CCSER1: variants seen among roughly 807,000 people sequenced by gnomAD.
The protein encoded by CCSER1 is serine-rich coiled-coil domain-containing protein 1.
CCSER1 carries 41 observed loss-of-function variants against 82.0 expected under a neutral mutation model. That is an observed-to-expected ratio of 0.50 (90% confidence interval 0.39 to 0.65). CCSER1 has a LOEUF of 0.65. CCSER1 is among the 30% of genes least tolerant of loss of function. The pLI is 0.00. For synonymous variants in CCSER1, 414 were observed against 383.9 expected (o/e 1.08, Z -0.92); for missense variants, 1,119 against 1,064.2 (o/e 1.05, Z -0.72).
intron 6 of CCSER1, among the ~76,000 whole-genome samples, chr4:90,632,632 C>T (rs961743136): frequency 2.0e-5 from 3 of 152,012 alleles, no homozygotes; most frequent in Admixed American, 6.5e-5. Flanking sequence ...TTCAGTAAAC[C>T]TGTCTTTGGC....
chr4:90,560,717 C>G (rs1421627548), intron 5 of CCSER1, among the ~76,000 whole-genome samples: 8 of 152,080 alleles, frequency 5.3e-5, no homozygotes, highest in Admixed American at 5.2e-4. Flanking sequence ...TTGTTTAACA[C>G]CTTTACTTTG....
intron 9 of CCSER1, among the ~76,000 whole-genome samples, chr4:90,957,233 C>T (rs1243802845): frequency 3.0e-5 from 3 of 100,742 alleles, no homozygotes; most frequent in Non-Finnish European, 6.4e-5. Context: ...TCCCGACTAC[C>T]TGGGATTACA....
At chr4:91,386,911 T>A (rs1031205802) in intron 10 of CCSER1, among the ~76,000 whole-genome samples, 1 of 151,800 alleles carries the variant, frequency 6.6e-6, no homozygotes, top group Admixed American at 6.6e-5. Context: ...GTAAATATCA[T>A]GATAGAAAAA....
intron 1 of CCSER1, among the ~76,000 whole-genome samples, chr4:90,247,394 C>G (rs368470578): frequency 2.6e-5 from 4 of 151,932 alleles, no homozygotes; most frequent in Non-Finnish European, 4.4e-5. Context: ...ACAACAATAT[C>G]GGAATAATAT....
chr4:90,606,379 A>G (rs987623935), intron 5 of CCSER1, among the ~76,000 whole-genome samples: 4 of 152,216 alleles, frequency 2.6e-5, no homozygotes, highest in Non-Finnish European at 5.9e-5. Flanking sequence ...ATATTTGTGT[A>G]CCTAAACATC....
At position 91,045,086 on chromosome 4, in the gene CCSER1, A is replaced by C. The variant is rs1742329312; in HGVS notation, c.2173-40864A>C. On this transcript the variant is annotated intron_variant, in intron 9 of 10. Transcript: ENST00000509176. ...TTGTATCTTATACATATAAACCTAGAACAGTGCCCTATAGCTAGAAAATAA... is the reference window on the plus strand; with the variant it reads ...TTGTATCTTATACATATAAACCTAGCACAGTGCCCTATAGCTAGAAAATAA... Among the ~76,000 whole-genome samples the C allele has an allele frequency of 2.6e-5, 4 of 152,256 alleles. No individual in the cohort carries two copies. The South Asian group carries it at 8.3e-4, about 32-fold the overall frequency.
intron 10 of CCSER1, among the ~76,000 whole-genome samples, chr4:91,507,622 A>G (rs1578650049): frequency 6.6e-6 from 1 of 151,230 alleles, no homozygotes; most frequent in Non-Finnish European, 1.5e-5. Context: ...TTTTTTTGTT[A>G]AGTGGTGGGT....
chr4:90,912,616 C>G (rs1386638081), intron 8 of CCSER1, among the ~76,000 whole-genome samples: 3 of 152,122 alleles, frequency 2.0e-5, no homozygotes, highest in African/African-American at 7.2e-5. Context: ...CCCTTGCCAG[C>G]AATGGAACAA....
intron 10 of CCSER1, among the ~76,000 whole-genome samples, chr4:91,468,211 A>T (rs560659271): frequency 1.3e-5 from 2 of 152,312 alleles, no homozygotes; most frequent in Non-Finnish European, 2.9e-5. Flanking sequence ...AGGGACATGG[A>T]TGAAGCTGGA....
chr4:91,421,634 C>G (rs1753688026), intron 10 of CCSER1, among the ~76,000 whole-genome samples: 2 of 151,860 alleles, frequency 1.3e-5, no homozygotes, highest in African/African-American at 2.4e-5. Context: ...ATCTTGTAAC[C>G]CACTCAAGTT....
intron 1 of CCSER1, among the ~76,000 whole-genome samples, chr4:90,157,351 C>A (rs1211117055): frequency 6.6e-6 from 1 of 152,042 alleles, no homozygotes; most frequent in Non-Finnish European, 1.5e-5. Context: ...AATTATGTGT[C>A]TTGGAGTTGC....
intron 9 of CCSER1, among the ~76,000 whole-genome samples, chr4:90,956,766 CTTT>C (rs34175078): frequency 2.2e-5 from 3 of 137,468 alleles, no homozygotes; most frequent in Non-Finnish European, 3.2e-5. Context: ...TCTTCCTCTT[CTTT>C]TTTTTTTTTT....
intron 10 of CCSER1, among the ~76,000 whole-genome samples, chr4:91,165,566 G>T (rs528169047): frequency 6.6e-6 from 1 of 152,210 alleles, no homozygotes; most frequent in Non-Finnish European, 1.5e-5. Flanking sequence ...AGGCCTTGCA[G>T]AGCTGAGGTG....
chr4:90,290,324 A>G (rs1333262429), intron 1 of CCSER1, among the ~76,000 whole-genome samples: 4 of 151,874 alleles, frequency 2.6e-5, no homozygotes, highest in African/African-American at 4.8e-5. Context: ...ACATTTATAT[A>G]TAGTGTATAC....
At chr4:90,200,068 A>ACACACG (rs1429861805) in intron 1 of CCSER1, among the ~76,000 whole-genome samples, 3 of 151,044 alleles carry the variant, frequency 2.0e-5, no homozygotes, top group African/African-American at 7.3e-5. Flanking sequence ...GCAGACACAC[A>ACACACG]CACACACACA....
At chr4:90,391,466 A>ACACACACACACAG (rs1561152354) in intron 3 of CCSER1, among the ~76,000 whole-genome samples, 10 of 91,394 alleles carry the variant, frequency 1.1e-4, no homozygotes, top group African/African-American at 4.7e-4. Context: ...ATATATATAT[A>ACACACACACACAG]TATATATATA....
chr4:90,722,307 CT>C lies in CCSER1; in HGVS notation c.1933-1606del, dbSNP rs557964425. Among the ~76,000 whole-genome samples, 63 of 151,924 alleles carry C rather than the reference CT, an allele frequency of 4.1e-4. 2 individuals are homozygous for C. In the South Asian group the frequency reaches 0.013, roughly 30 times the overall value. ...AATTCAACTATGAACGAACTGTGTT[CT>C]GTCACTTGCTTAAATTCTTGTGAGA... On this transcript the variant is annotated intron_variant, in intron 6 of 10. Transcript: ENST00000509176.
chr4:90,423,918 T>C lies in CCSER1; in HGVS notation c.1603+23789T>C, dbSNP rs547273544. 4.2e-3 allele frequency among the ~76,000 whole-genome samples: 642 copies of C among 151,772 alleles called. 6 individuals are homozygous for C. The highest frequency in any genetic ancestry group is 0.015 in the African/African-American group (618 of 41,524). On this transcript the variant is annotated intron_variant, in intron 4 of 10. Transcript: ENST00000509176. ...GGAGATCGAAACCATGGTGAAACCT[T>C]GTCTCTACTAAAAATACAAAAAATT...
chr4:91,385,904 G>A (rs1751254551), intron 10 of CCSER1, among the ~76,000 whole-genome samples: 1 of 151,900 alleles, frequency 6.6e-6, no homozygotes, highest in African/African-American at 2.4e-5. Context: ...GGATACATAT[G>A]TGTATGTTTG....
Sources: gnomAD v4.1 joint callset for allele counts (sites outside exome capture counted in the v4.1 genomes callset) on GRCh38, gnomAD v4.1.1 for gene constraint, MANE v1.5 for transcripts, NCBI Gene and HGNC (gene_info 2026-07-23, HGNC 2026-07-21) for gene names.